The following SREK1 variants were observed in gnomAD, a reference collection of about 807,000 sequenced individuals.
The protein encoded by SREK1 is splicing regulatory glutamine/lysine-rich protein 1.
Under a neutral mutation model 66.5 loss-of-function variants are expected in SREK1, and 13 were observed. That is an observed-to-expected ratio of 0.20 (90% confidence interval 0.13 to 0.31). The LOEUF is 0.31. Among genes scored for constraint, SREK1 ranks in the 10% least tolerant of loss-of-function variants. The pLI is 1.00. For missense variants in SREK1, 607 were observed against 769.6 expected (o/e 0.79, Z 2.50); for synonymous variants, 265 against 263.5 (o/e 1.01, Z -0.05).
chr5:66,174,902 A>G, intron 9 of SREK1, 44 bp from the exon 10 acceptor site: 1 of 1,572,320 alleles, frequency 6.4e-7, no homozygotes, highest in Non-Finnish European at 8.7e-7. Context: ...ATTGCCGTTT[A>G]TTTCAATTGC....
At chr5:66,173,206 G>A (rs1745788229) in intron 9 of SREK1, among the ~76,000 whole-genome samples, 1 of 151,896 alleles carries the variant, frequency 6.6e-6, no homozygotes, top group Non-Finnish European at 1.5e-5. Flanking sequence ...ACTAAATGGA[G>A]AATATTTTAA....
Position 66,181,558 on chromosome 5 carries a change from A to T in SREK1, c.*2690A>T, listed in dbSNP as rs2112132958. On this transcript the variant is annotated 3_prime_UTR_variant, in exon 12 of 12. Coordinates refer to ENST00000334121, the MANE Select transcript of SREK1 (RefSeq NM_001077199.3). ...TTACATAGAGTACCCTCTCTTCCTT[A>T]AGTTGTAGTTGCTATTTATCATTGT... 1 of 152,218 alleles carries T rather than the reference A, an allele frequency of 6.6e-6. No homozygotes were observed. Among genetic ancestry groups the T allele is most frequent in the Admixed American group, 6.5e-5 (1 of 15,280 alleles). The allele number at this position is 152,218 out of a possible 1,614,324, so 9.4% of individuals were successfully genotyped here. A position where few individuals can be genotyped will look rare whatever the true frequency, so the allele number is the denominator to read the frequency against.
At chr5:66,178,644 G>A (rs1482847139) in intron 11 of SREK1, 75 bp from the exon 12 acceptor site, 1 of 1,393,678 alleles carries the variant, frequency 7.2e-7, no homozygotes, top group African/African-American at 1.4e-5. Context: ...AAAAGATAAA[G>A]TTTCACATTT....
At chr5:66,153,895 A>C (rs774819125) in intron 2 of SREK1, 2 of 299,454 alleles carry the variant, frequency 6.7e-6, no homozygotes, top group Non-Finnish European at 1.2e-5. Context: ...TTGATATGGG[A>C]AATTATTTTA....
Position 66,162,187 on chromosome 5 carries a change from C to G in SREK1, c.490C>G (p.Pro164Ala). 6.2e-7 allele frequency: 1 copy of G among 1,613,992 alleles called. No homozygotes were observed. Among genetic ancestry groups the G allele is most frequent in the Non-Finnish European group, 8.5e-7 (1 of 1,179,970 alleles). The stretch of plus-strand genomic sequence containing the variant: ...CAACATTGCAACACTTGGAGAGATA[C>G]CACAGCCACCACTTATGGGAAACGT... ...DPNIATLGEI[P>A]QPPLMGNVDP... The change falls in exon 4 of 12, where the codon CCA (proline) becomes GCA (alanine). Residue 164 changes from proline (P) to alanine (A), a missense_variant. This residue lies in a region of SREK1 where 99 missense variants were observed against 186.6 expected (regional missense o/e 0.53). Coordinates refer to ENST00000334121, the MANE Select transcript of SREK1 (RefSeq NM_001077199.3).
chr5:66,178,154 T>C (rs1746214366), intron 11 of SREK1, among the ~76,000 whole-genome samples: 1 of 152,066 alleles, frequency 6.6e-6, no homozygotes, highest in Middle Eastern at 3.2e-3. Flanking sequence ...AATTATGAAT[T>C]TTGGAACATC....
intron 1 of SREK1, 53 bp downstream of exon 1, chr5:66,144,590 G>A: frequency 1.3e-6 from 2 of 1,512,358 alleles, no homozygotes; most frequent in East Asian, 2.5e-5. Flanking sequence ...AGAGACCTCG[G>A]GAGCCGAGGC....
chr5:66,150,997 C>T (rs1743745391), intron 1 of SREK1, among the ~76,000 whole-genome samples: 1 of 152,012 alleles, frequency 6.6e-6, no homozygotes, highest in African/African-American at 2.4e-5. Flanking sequence ...TGTGGCACCA[C>T]ACCCAGCTAA....
At chr5:66,147,627 TAAGA>T (rs1561491318) in intron 1 of SREK1, among the ~76,000 whole-genome samples, 2 of 152,164 alleles carry the variant, frequency 1.3e-5, no homozygotes, top group Non-Finnish European at 1.5e-5. Flanking sequence ...TCTAAAGTTC[TAAGA>T]AAGAATGGAA....
Position 66,164,388 on chromosome 5 carries a change from T to TA in SREK1, c.887-389dup, listed in dbSNP as rs999281430. 4 of 345,192 alleles carry TA rather than the reference T, an allele frequency of 1.2e-5. No individual in the cohort carries two copies. The East Asian group carries it at 3.3e-4, about 28-fold the overall frequency. 21.4% of individuals were successfully genotyped at this position (345,192 alleles called of 1,614,324 possible). A position where few individuals can be genotyped will look rare whatever the true frequency, so the allele number is the denominator to read the frequency against. ...CTTTTGTGTTGCTAATGAAAATAAT[T>TA]AAAAAACCCATTCTAAAAACATCTA... On this transcript the variant is annotated intron_variant, in intron 6 of 11. Coordinates refer to ENST00000334121, the MANE Select transcript of SREK1 (RefSeq NM_001077199.3).
chr5:66,164,356 A>C (rs1474780951), intron 6 of SREK1: 1 of 335,896 alleles, frequency 3.0e-6, no homozygotes, highest in African/African-American at 2.2e-5. Flanking sequence ...AAGAACATCT[A>C]TTTAAACTTT....
intron 1 of SREK1, among the ~76,000 whole-genome samples, chr5:66,151,010 T>G (rs1743746729): frequency 6.6e-6 from 1 of 151,938 alleles, no homozygotes; most frequent in African/African-American, 2.4e-5. Flanking sequence ...CCAGCTAATT[T>G]TTGTATTTTT....
Position 66,174,821 on chromosome 5 carries a change from G to A in SREK1, c.1485-125G>A, listed in dbSNP as rs1339994624. ...TTGAACATGCTCATAAAGGACATAA[G>A]TTTAAACTGGCCTCTAAAGAATACT... On this transcript the variant is annotated intron_variant, in intron 9 of 11. Coordinates refer to ENST00000334121, the MANE Select transcript of SREK1 (RefSeq NM_001077199.3). 3.7e-6 allele frequency: 3 copies of A among 801,224 alleles called. No homozygotes were observed. In the African/African-American group the frequency reaches 5.3e-5, roughly 14 times the overall value. 49.6% of individuals were successfully genotyped at this position (801,224 alleles called of 1,614,324 possible).
At chr5:66,161,226 A>G (rs189233975) in intron 3 of SREK1, among the ~76,000 whole-genome samples, 11 of 152,310 alleles carry the variant, frequency 7.2e-5, no homozygotes, top group African/African-American at 2.6e-4. Context: ...GTGTTTTTCA[A>G]TGACCAAGGT....
At chr5:66,166,385 G>C (rs1199695714) in intron 7 of SREK1, 1 of 152,174 alleles carries the variant, frequency 6.6e-6, no homozygotes, top group Non-Finnish European at 1.5e-5. Flanking sequence ...GATCATCTAA[G>C]TGAAGTTTTA....
At chr5:66,154,329 C>T (rs1035016108) in intron 2 of SREK1, among the ~76,000 whole-genome samples, 2 of 152,192 alleles carry the variant, frequency 1.3e-5, no homozygotes, top group Non-Finnish European at 1.5e-5. Flanking sequence ...GAGCCACTCA[C>T]GTATAATAGA....
At chr5:66,163,536 T>C (rs1206214861) in intron 5 of SREK1, 1 of 305,700 alleles carries the variant, frequency 3.3e-6, no homozygotes, top group Non-Finnish European at 6.1e-6. Flanking sequence ...GCACTTCATC[T>C]AGTCTGTTTG....
rs80209709 is a variant in SREK1 at position 66,145,583 on chromosome 5, A to T, written c.161+1046A>T. Among the ~76,000 whole-genome samples, 242 of 152,042 alleles carry T rather than the reference A, an allele frequency of 1.6e-3. 1 individual carries two copies. The East Asian group carries it at 0.017, about 10-fold the overall frequency. ...GCATAACTATATAAAAGTTGTGTGG[A>T]TATTTAAAATTTACTTTTTAAGTTT... On this transcript the variant is annotated intron_variant, in intron 1 of 11. Coordinates refer to ENST00000334121, the MANE Select transcript of SREK1 (RefSeq NM_001077199.3).
intron 2 of SREK1, among the ~76,000 whole-genome samples, chr5:66,154,887 C>A (rs756251195): frequency 6.6e-6 from 1 of 152,092 alleles, no homozygotes; most frequent in Admixed American, 6.5e-5. Flanking sequence ...TGAATGGTTT[C>A]GTTCTACAAA....
Sources: allele counts gnomAD v4.1 joint callset (sites outside exome capture counted in the v4.1 genomes callset), GRCh38; gene constraint gnomAD v4.1.1; regional missense constraint gnomAD v4.1.1; transcripts MANE v1.5; gene names NCBI Gene and HGNC (gene_info 2026-07-23, HGNC 2026-07-21).